Variants in DOP1A observed in about 807,000 individuals in gnomAD.
DOP1A encodes protein DOP1A.
In DOP1A, 90 loss-of-function variants were observed where a neutral mutation model predicts 267.6. The observed-to-expected ratio is 0.34, with a 90% CI of 0.28 to 0.40. The LOEUF is 0.40. Among genes scored for constraint, DOP1A ranks in the 10% least tolerant of loss-of-function variants. The pLI, the probability that DOP1A is intolerant of heterozygous loss-of-function variation, is 1.00. For missense variants in DOP1A, 2,437 were observed against 2,900.4 expected, an observed-to-expected ratio of 0.84 and a Z score of 3.67; for synonymous variants, 932 against 999.1, an observed-to-expected ratio of 0.93 and a Z score of 1.27.
Position 83,140,213 on chromosome 6 carries a change from GTTA to G in DOP1A, c.5233-7_5233-5del. 1.2e-6 allele frequency: 2 copies of G among 1,608,082 alleles called. No homozygotes were observed. The highest frequency in any genetic ancestry group is 1.7e-6 in the Non-Finnish European group (2 of 1,177,680). ...GTAATATGTTTCTTTTCCCCCAACTGTTAATAGCTTTTGGTCAGTGTAGACCAG... is the reference window on the plus strand; with the variant it reads ...GTAATATGTTTCTTTTCCCCCAACTGATAGCTTTTGGTCAGTGTAGACCAG... On this transcript the variant is annotated splice_polypyrimidine_tract_variant and splice_region_variant and intron_variant, in intron 22 of 38. Coordinates refer to ENST00000349129, the MANE Select transcript of DOP1A (RefSeq NM_015018.4).
At position 83,132,347 on chromosome 6, in the gene DOP1A, T is replaced by C; in HGVS notation, c.2769+19T>C. ...AGATAAGGTAAATCCTCTTATCTTG[T>C]GCACACCGCCCCCTCCGCCACACAC... On this transcript the variant is annotated intron_variant, in intron 18 of 38. Coordinates refer to ENST00000349129, the MANE Select transcript of DOP1A (RefSeq NM_015018.4). 1 of 1,587,042 alleles carries C rather than the reference T, an allele frequency of 6.3e-7. No homozygotes were observed. The highest frequency in any genetic ancestry group is 1.1e-5 in the South Asian group (1 of 89,668).
Position 83,137,816 on chromosome 6 carries a change from C to A in DOP1A, c.3774C>A (p.Thr1258=), listed in dbSNP as rs1202739478. The A allele has an allele frequency of 3.1e-6, 5 of 1,613,732 alleles. No individual in the cohort carries two copies. The highest frequency in any genetic ancestry group is 4.2e-6 in the Non-Finnish European group (5 of 1,179,854). Reference sequence around the variant, plus strand: ...ACTCTTCTGTTGCTTCCATAGAAACCAAATCTAGACAAAGGAGTCACAGTA... The same window carrying A: ...ACTCTTCTGTTGCTTCCATAGAAACAAAATCTAGACAAAGGAGTCACAGTA... The part of the protein sequence containing the change: ...LHDSSVASIE[T]KSRQRSHSSI... The change falls in exon 21 of 39, where the codon ACC becomes ACA. Residue 1258 remains threonine, a synonymous_variant. Coordinates refer to ENST00000349129, the MANE Select transcript of DOP1A (RefSeq NM_015018.4).
chr6:83,112,037 G>A (rs74916097), intron 6 of DOP1A, among the ~76,000 whole-genome samples: 2,399 of 152,152 alleles, frequency 0.016, 77 homozygotes, highest in African/African-American at 0.054. Flanking sequence ...AAATGGCTAT[G>A]CTTTTTAAAT....
intron 7 of DOP1A, among the ~76,000 whole-genome samples, chr6:83,118,359 C>G (rs988526640): frequency 1.3e-5 from 2 of 151,934 alleles, no homozygotes; most frequent in African/African-American, 4.8e-5. Flanking sequence ...AGAAATGGAA[C>G]AAAATGAGAG....
At chr6:83,083,879 T>C (rs1768592968) in intron 1 of DOP1A, among the ~76,000 whole-genome samples, 1 of 152,240 alleles carries the variant, frequency 6.6e-6, no homozygotes, top group South Asian at 2.1e-4. Flanking sequence ...TTTTCTAAAA[T>C]TAATATTTTC....
intron 7 of DOP1A, among the ~76,000 whole-genome samples, chr6:83,116,426 T>A (rs1040004235): frequency 1.3e-5 from 2 of 152,216 alleles, no homozygotes; most frequent in African/African-American, 4.8e-5. Flanking sequence ...TTATTACTAT[T>A]GCCACTGATC....
chr6:83,077,852 A>G (rs1428698935), intron 1 of DOP1A, among the ~76,000 whole-genome samples: 1 of 152,204 alleles, frequency 6.6e-6, no homozygotes, highest in African/African-American at 2.4e-5. Context: ...CTAACACTTA[A>G]CTATAGCTGA....
chr6:83,166,131 T>A (rs1358191142), intron 38 of DOP1A: 1 of 455,370 alleles, frequency 2.2e-6, no homozygotes, highest in Non-Finnish European at 3.9e-6. Flanking sequence ...AAATGACACT[T>A]CAAAACAACG....
At chr6:83,100,650 T>TA (rs1423467215) in intron 3 of DOP1A, 55 bp from the exon 4 acceptor site, 3 of 1,236,082 alleles carry the variant, frequency 2.4e-6, no homozygotes, top group African/African-American at 1.5e-5. Flanking sequence ...AAAATGGAAG[T>TA]AAAATGAATG....
chr6:83,108,891 G>A lies in DOP1A; in HGVS notation c.321-19G>A. On this transcript the variant is annotated intron_variant, in intron 4 of 38. Coordinates refer to ENST00000349129, the MANE Select transcript of DOP1A (RefSeq NM_015018.4). ...TAGTTATTTTGCTTCCTTCTCCTTTGTCTTTATTTTTTTAATAGTTCTGGA... is the reference window on the plus strand; with the variant it reads ...TAGTTATTTTGCTTCCTTCTCCTTTATCTTTATTTTTTTAATAGTTCTGGA... 1 of 1,600,578 alleles carries A rather than the reference G, an allele frequency of 6.2e-7. No homozygotes were observed. The highest frequency in any genetic ancestry group is 8.5e-7 in the Non-Finnish European group (1 of 1,173,608).
Position 83,134,933 on chromosome 6 carries a change from A to G in DOP1A, c.2870+646A>G, listed in dbSNP as rs371288678. ...TCAGATGTGTCCTCTACTGAACGTTATTTCAGCTGGTGCTTTTCAACCAGC... is the reference window on the plus strand; with the variant it reads ...TCAGATGTGTCCTCTACTGAACGTTGTTTCAGCTGGTGCTTTTCAACCAGC... On this transcript the variant is annotated intron_variant, in intron 19 of 38. Transcript: ENST00000349129. 1.6e-4 allele frequency among the ~76,000 whole-genome samples: 25 copies of G among 152,212 alleles called. 1 individual carries two copies. The highest frequency in any genetic ancestry group is 1.4e-3 in the Admixed American group (21 of 15,266).
chr6:83,141,324 C>T (rs1779621476), intron 23 of DOP1A, among the ~76,000 whole-genome samples: 1 of 152,046 alleles, frequency 6.6e-6, no homozygotes, highest in Admixed American at 6.6e-5. Context: ...GGTGGGATAA[C>T]TTATTGATTT....
At chr6:83,106,885 C>T (rs149311699) in intron 4 of DOP1A, among the ~76,000 whole-genome samples, 2,766 of 151,464 alleles carry the variant, frequency 0.018, 51 homozygotes, top group Admixed American at 0.061. Flanking sequence ...AAGGGAAGAG[C>T]GCTTCAAGAG....
chr6:83,159,668 C>T (rs1583180878), intron 36 of DOP1A, 128 bp from the exon 37 acceptor site: 2 of 1,020,720 alleles, frequency 2.0e-6, no homozygotes, highest in East Asian at 2.4e-5. Context: ...CATGACCTTG[C>T]TTAGCAATTA....
intron 17 of DOP1A, among the ~76,000 whole-genome samples, chr6:83,131,821 G>A (rs1333824520): frequency 6.6e-6 from 1 of 152,124 alleles, no homozygotes; most frequent in African/African-American, 2.4e-5. Flanking sequence ...ATTTTTAGTA[G>A]AGACAAGGTT....
chr6:83,104,058 A>T (rs1773105993), intron 4 of DOP1A, among the ~76,000 whole-genome samples: 1 of 152,302 alleles, frequency 6.6e-6, no homozygotes, highest in Middle Eastern at 3.4e-3. Context: ...TCAACCTTTT[A>T]TTAAGTAGTC....
chr6:83,129,437 G>A lies in DOP1A; in HGVS notation c.2270G>A (p.Cys757Tyr). The change falls in exon 16 of 39, where the codon TGC becomes TAC. Residue 757 changes from cysteine to tyrosine, a missense_variant. Transcript: ENST00000349129. Reference protein sequence around the residue: ...FLAACQLFLECSSFPVYIAEG... With the variant: ...FLAACQLFLEYSSFPVYIAEG... ...GCTGCCTGTCAGCTCTTCCTAGAGTGCTCAAGTTTCCCAGTTTACATTGCT... is the reference window on the plus strand; with the variant it reads ...GCTGCCTGTCAGCTCTTCCTAGAGTACTCAAGTTTCCCAGTTTACATTGCT... 6.3e-7 allele frequency: 1 copy of A among 1,591,148 alleles called. No homozygotes were observed. Among genetic ancestry groups the A allele is most frequent in the Non-Finnish European group, 8.5e-7 (1 of 1,173,342 alleles).
intron 6 of DOP1A, among the ~76,000 whole-genome samples, chr6:83,111,632 A>G (rs1774578856): frequency 6.6e-6 from 1 of 152,020 alleles, no homozygotes. Flanking sequence ...AACGATGAAC[A>G]TCTTGTGGTT....
chr6:83,115,782 C>T (rs781248403), intron 7 of DOP1A, among the ~76,000 whole-genome samples: 7 of 152,042 alleles, frequency 4.6e-5, no homozygotes, highest in South Asian at 2.1e-4. Flanking sequence ...CGTGTTGTAC[C>T]GTAGATCTTT....
Sources: gnomAD v4.1 joint callset for allele counts (sites outside exome capture counted in the v4.1 genomes callset) on GRCh38, gnomAD v4.1.1 for gene constraint, MANE v1.5 for transcripts, NCBI Gene and HGNC (gene_info 2026-07-23, HGNC 2026-07-21) for gene names.